Variants in TNNI3K observed in about 807,000 individuals in gnomAD.
TNNI3K encodes the protein TNNI3 interacting kinase, also known as serine/threonine-protein kinase TNNI3K.
A neutral mutation model predicts 114.5 loss-of-function variants in TNNI3K; 140 were observed. That is an observed-to-expected ratio of 1.22 (90% CI 1.07 to 1.41). The LOEUF (loss-of-function observed/expected upper bound fraction) is 1.41. Ranked by LOEUF, TNNI3K falls within the 40% of genes most tolerant of loss-of-function variation. The pLI is 0.00. For synonymous variants in TNNI3K, 347 were observed against 347.5 expected (o/e 1.00, Z 0.02); for missense variants, 1,125 against 1,007.6 (o/e 1.12, Z -1.58).
At chr1:74,317,231 T>A (rs1355825837) in intron 5 of TNNI3K, among the ~76,000 whole-genome samples, 1 of 152,172 alleles carries the variant, frequency 6.6e-6, no homozygotes, top group Non-Finnish European at 1.5e-5. Context: ...TGGAAGAGAA[T>A]CACTGAGGAA....
chr1:74,272,367 C>T (rs1343499588), intron 5 of TNNI3K, among the ~76,000 whole-genome samples: 1 of 151,570 alleles, frequency 6.6e-6, no homozygotes, highest in Non-Finnish European at 1.5e-5. Context: ...AAAATGAAAA[C>T]AACGAGAGAG....
At position 74,474,336 on chromosome 1, in the gene TNNI3K, G is replaced by A. The variant is rs1193003641; in HGVS notation, c.2121+10786G>A. ...TTCTTTCCTCAGCCATCCCTCTGTT[G>A]TGTGAAATCATCAACCCCCAGACAC... is the stretch of plus-strand genomic sequence containing the variant. On this transcript the variant is annotated intron_variant, in intron 21 of 24. Transcript: ENST00000326637. Among the ~76,000 whole-genome samples the A allele has an allele frequency of 2.0e-5, 3 of 152,246 alleles. No homozygotes were observed. In the East Asian group the frequency reaches 5.8e-4, roughly 29 times the overall value.
chr1:74,386,543 T>G (rs1663488974), intron 17 of TNNI3K, among the ~76,000 whole-genome samples: 1 of 152,068 alleles, frequency 6.6e-6, no homozygotes, highest in South Asian at 2.1e-4. Flanking sequence ...TACAATCAAG[T>G]TCAAGAAAGG....
intron 17 of TNNI3K, among the ~76,000 whole-genome samples, chr1:74,426,809 T>G (rs1196113063): frequency 6.6e-6 from 1 of 152,096 alleles, no homozygotes; most frequent in Non-Finnish European, 1.5e-5. Context: ...AAGAATCCGG[T>G]GACACTTCTG....
chr1:74,528,619 G>C (rs944397400), intron 23 of TNNI3K, among the ~76,000 whole-genome samples: 3 of 152,204 alleles, frequency 2.0e-5, no homozygotes, highest in African/African-American at 7.2e-5. Context: ...TGAATATGGA[G>C]AGAATGAAAA....
intron 5 of TNNI3K, among the ~76,000 whole-genome samples, chr1:74,275,333 C>T (rs1335852903): frequency 6.6e-6 from 1 of 151,990 alleles, no homozygotes; most frequent in Non-Finnish European, 1.5e-5. Context: ...AAGCAGAAAC[C>T]CCTGATCAAA....
At chr1:74,336,599 T>G (rs1201892182) in intron 7 of TNNI3K, among the ~76,000 whole-genome samples, 1 of 150,520 alleles carries the variant, frequency 6.6e-6, no homozygotes, top group South Asian at 2.1e-4. Context: ...GAATATGTGG[T>G]GTTTGGTTTT....
At chr1:74,501,889 T>C (rs571939609) in intron 23 of TNNI3K, among the ~76,000 whole-genome samples, 9 of 152,222 alleles carry the variant, frequency 5.9e-5, no homozygotes, top group South Asian at 2.1e-4. Flanking sequence ...TATATATATA[T>C]ACATTTTCTT....
rs376942705 is a variant in TNNI3K, at chr1:74,523,931, C to A, written c.2352-16303C>A. Among the ~76,000 whole-genome samples the A allele has an allele frequency of 2.7e-4, 41 of 152,250 alleles. No individual in the cohort carries two copies. The East Asian group carries it at 3.1e-3, about 11-fold the overall frequency. On this transcript the variant is annotated intron_variant, in intron 23 of 24. Transcript: ENST00000326637. ...TAATGCTATCCCTCCCCTTTCCCCC[C>A]ACCCCCGACAGGCCCCAGTGTGTGA...
At chr1:74,309,948 G>A (rs1473749012) in intron 5 of TNNI3K, among the ~76,000 whole-genome samples, 1 of 152,148 alleles carries the variant, frequency 6.6e-6, no homozygotes, top group East Asian at 1.9e-4. Flanking sequence ...AATACTGGAA[G>A]TTGTAGACAG....
Position 74,433,957 on chromosome 1 carries a change from C to G in TNNI3K, c.1773-2123C>G, listed in dbSNP as rs143691939. The stretch of plus-strand genomic sequence containing the variant: ...TTTGTTGTTGTTGTTGTCTTTTAGT[C>G]TCTAATATTTAAACTGCTCCCAGAT... On this transcript the variant is annotated intron_variant, in intron 17 of 24. Transcript: ENST00000326637. Among the ~76,000 whole-genome samples the G allele has an allele frequency of 3.5e-3, 529 of 152,010 alleles. 1 individual carries two copies. Among genetic ancestry groups the G allele is most frequent in the African/African-American group, 0.012 (509 of 41,498 alleles).
At chr1:74,266,747 TCA>T (rs1262441857) in intron 4 of TNNI3K, among the ~76,000 whole-genome samples, 1 of 151,988 alleles carries the variant, frequency 6.6e-6, no homozygotes, top group Non-Finnish European at 1.5e-5. Flanking sequence ...ATAGCAATAA[TCA>T]CAGAGCTAAC....
intron 20 of TNNI3K, among the ~76,000 whole-genome samples, chr1:74,445,603 C>CTTTTT (rs1234823064): frequency 1.3e-4 from 17 of 131,208 alleles, no homozygotes; most frequent in African/African-American, 4.6e-4. Context: ...TCCACATTTT[C>CTTTTT]TTTTTTTTCT....
chr1:74,279,661 G>C (rs1656885669), intron 5 of TNNI3K, among the ~76,000 whole-genome samples: 1 of 152,106 alleles, frequency 6.6e-6, no homozygotes, highest in Admixed American at 6.5e-5. Flanking sequence ...TTTGCTTTTG[G>C]TTGGTACTGA....
intron 23 of TNNI3K, among the ~76,000 whole-genome samples, chr1:74,534,333 C>T (rs1349901712): frequency 6.6e-6 from 1 of 152,166 alleles, no homozygotes. Context: ...AAAAATGATT[C>T]CTTTTGGACT....
At chr1:74,268,973 T>G (rs543424735) in intron 4 of TNNI3K, among the ~76,000 whole-genome samples, 81 of 152,098 alleles carry the variant, frequency 5.3e-4, no homozygotes, top group South Asian at 4.8e-3. Flanking sequence ...CTTGAAAATT[T>G]CTTTTCCTTT....
chr1:74,511,339 C>T (rs531766212), intron 23 of TNNI3K, among the ~76,000 whole-genome samples: 37 of 152,240 alleles, frequency 2.4e-4, no homozygotes, highest in African/African-American at 8.2e-4. Flanking sequence ...ACTACAGGCA[C>T]ACGTCACTAC....
intron 5 of TNNI3K, among the ~76,000 whole-genome samples, chr1:74,293,752 A>T (rs1337335760): frequency 6.6e-6 from 1 of 151,666 alleles, no homozygotes; most frequent in Admixed American, 6.6e-5. Context: ...GACCTGTTTT[A>T]TTCCTGATTT....
At chr1:74,467,181 A>ATAC (rs1667716923) in intron 21 of TNNI3K, among the ~76,000 whole-genome samples, 1 of 152,176 alleles carries the variant, frequency 6.6e-6, no homozygotes, top group Non-Finnish European at 1.5e-5. Context: ...AGGAGAACAG[A>ATAC]TACAAGGGAA....
Sources: gnomAD v4.1 joint callset for allele counts (sites outside exome capture counted in the v4.1 genomes callset) on GRCh38, gnomAD v4.1.1 for gene constraint, MANE v1.5 for transcripts, NCBI Gene and HGNC (gene_info 2026-07-23, HGNC 2026-07-21) for gene names.